PTPRO: variants seen among roughly 807,000 people sequenced by gnomAD.
The protein encoded by PTPRO is protein tyrosine phosphatase receptor type O.
A neutral mutation model predicts 145.2 loss-of-function variants in PTPRO; 62 were observed. The observed-to-expected ratio is 0.43, with a 90% CI of 0.35 to 0.53. The LOEUF is 0.53. PTPRO is among the 20% of genes least tolerant of loss of function. The probability of loss-of-function intolerance (pLI) is 0.01; values close to 1 mark genes in which losing one functional copy is unlikely to be tolerated. For synonymous variants in PTPRO, 565 were observed against 514.7 expected (o/e 1.10, Z -1.32); for missense variants, 1,345 against 1,482.7 (o/e 0.91, Z 1.53).
chr12:15,334,154 ATTGTT>A (rs1313844832), intron 1 of PTPRO, among the ~76,000 whole-genome samples: 14 of 152,146 alleles, frequency 9.2e-5, no homozygotes, highest in Non-Finnish European at 1.9e-4. Flanking sequence ...ATGATAAATT[ATTGTT>A]TTTCTTCAAA....
At chr12:15,568,318 T>A (rs1943953900) in intron 18 of PTPRO, among the ~76,000 whole-genome samples, 1 of 152,080 alleles carries the variant, frequency 6.6e-6, no homozygotes, top group Non-Finnish European at 1.5e-5. Flanking sequence ...TAGTCCCAGC[T>A]ACTTGGGAGG....
At chr12:15,557,617 T>C (rs1273466912) in intron 16 of PTPRO, 94 bp downstream of exon 16, 2 of 1,133,844 alleles carry the variant, frequency 1.8e-6, no homozygotes, top group African/African-American at 3.1e-5. Flanking sequence ...TAGTTTTGTC[T>C]GATTATCCTT....
At chr12:15,507,357 G>T (rs1479174462) in intron 6 of PTPRO, among the ~76,000 whole-genome samples, 1 of 151,682 alleles carries the variant, frequency 6.6e-6, no homozygotes, top group African/African-American at 2.4e-5. Context: ...AGGTTGCAGT[G>T]AGCCTAGATA....
intron 1 of PTPRO, among the ~76,000 whole-genome samples, chr12:15,353,031 A>G (rs1005762229): frequency 6.6e-6 from 1 of 152,330 alleles, no homozygotes; most frequent in East Asian, 1.9e-4. Flanking sequence ...TGTTGAAGAA[A>G]TTGCCTTCAG....
At position 15,557,033 on chromosome 12, in the gene PTPRO, T is replaced by G. The variant is rs77365683; in HGVS notation, c.2559-422T>G. ...ACTTCTATTAGCTTCTTTTATTTTGTTTTTTTTTTTTTTCTTTTTCTTTTT... is the reference window on the plus strand; with the variant it reads ...ACTTCTATTAGCTTCTTTTATTTTGGTTTTTTTTTTTTTCTTTTTCTTTTT... On this transcript the variant is annotated intron_variant, in intron 15 of 26. Transcript: ENST00000281171. Among the ~76,000 whole-genome samples, 8 of 79,946 alleles carry G rather than the reference T, an allele frequency of 1.0e-4. No homozygotes were observed. The East Asian group carries it at 1.4e-3, about 14-fold the overall frequency. 52.4% of individuals were successfully genotyped at this position (79,946 alleles called of 152,430 possible). A position where few individuals can be genotyped will look rare whatever the true frequency, so the allele number is the denominator to read the frequency against.
intron 1 of PTPRO, among the ~76,000 whole-genome samples, chr12:15,447,082 C>G (rs1940920580): frequency 6.6e-6 from 1 of 152,152 alleles, no homozygotes; most frequent in African/African-American, 2.4e-5. Flanking sequence ...TATGAATCAT[C>G]TAGCCCTCCG....
At chr12:15,515,130 G>A (rs1420279858) in intron 7 of PTPRO, among the ~76,000 whole-genome samples, 1 of 152,044 alleles carries the variant, frequency 6.6e-6, no homozygotes, top group South Asian at 2.1e-4. Flanking sequence ...AGACATTTCC[G>A]TACTGACCTT....
intron 1 of PTPRO, among the ~76,000 whole-genome samples, chr12:15,327,756 G>A (rs1167452774): frequency 6.6e-6 from 1 of 152,116 alleles, no homozygotes; most frequent in Non-Finnish European, 1.5e-5. Context: ...GAGTGTGAAT[G>A]GATTGGGATG....
At chr12:15,521,495 C>T (rs1436768860) in intron 10 of PTPRO, among the ~76,000 whole-genome samples, 2 of 152,104 alleles carry the variant, frequency 1.3e-5, no homozygotes, top group African/African-American at 2.4e-5. Flanking sequence ...TATAATTTAA[C>T]TATATTGATG....
intron 4 of PTPRO, 132 bp downstream of exon 4, chr12:15,499,726 A>G (rs762305440): frequency 2.8e-6 from 3 of 1,065,372 alleles, no homozygotes; most frequent in East Asian, 2.7e-5. Flanking sequence ...ATAACCTAAA[A>G]CAGATTTTCT....
intron 4 of PTPRO, 108 bp downstream of exon 4, chr12:15,499,702 A>T (rs1457523911): frequency 2.4e-6 from 3 of 1,235,582 alleles, no homozygotes; most frequent in African/African-American, 3.0e-5. Flanking sequence ...AAAGAAAGAA[A>T]ATATATATGT....
At chr12:15,357,247 C>A (rs1402665211) in intron 1 of PTPRO, among the ~76,000 whole-genome samples, 1 of 152,222 alleles carries the variant, frequency 6.6e-6, no homozygotes, top group Non-Finnish European at 1.5e-5. Flanking sequence ...CTGCTACTGT[C>A]ATTTCCCAGC....
chr12:15,488,464 C>T (rs924799594), intron 2 of PTPRO, among the ~76,000 whole-genome samples: 1 of 152,154 alleles, frequency 6.6e-6, no homozygotes, highest in African/African-American at 2.4e-5. Context: ...CTGAAACTAA[C>T]ATTATCTGTC....
At position 15,462,405 on chromosome 12, in the gene PTPRO, T is replaced by G. The variant is rs188290196; in HGVS notation, c.76-21569T>G. 2.4e-3 allele frequency among the ~76,000 whole-genome samples: 364 copies of G among 152,294 alleles called. 3 individuals are homozygous for G. The highest frequency in any genetic ancestry group is 3.7e-3 in the Non-Finnish European group (254 of 68,014). On this transcript the variant is annotated intron_variant, in intron 1 of 26. Coordinates refer to ENST00000281171, the MANE Select transcript of PTPRO (RefSeq NM_030667.3). Reference sequence around the variant, plus strand: ...CCTCCCAAAGTGCTGGGATTGTAGGTGTGAGCCACCACACCTGCCCTTGCT... The same window carrying G: ...CCTCCCAAAGTGCTGGGATTGTAGGGGTGAGCCACCACACCTGCCCTTGCT...
chr12:15,532,550 C>T (rs1269756001), intron 12 of PTPRO, among the ~76,000 whole-genome samples: 2 of 152,094 alleles, frequency 1.3e-5, no homozygotes, highest in Non-Finnish European at 1.5e-5. Context: ...TAAAAACATT[C>T]CTCCAAACTT....
intron 1 of PTPRO, among the ~76,000 whole-genome samples, chr12:15,465,915 C>G (rs1021839128): frequency 6.6e-6 from 1 of 151,720 alleles, no homozygotes; most frequent in African/African-American, 2.4e-5. Flanking sequence ...TTTTTTTTCC[C>G]CCAAGTTTTA....
intron 1 of PTPRO, among the ~76,000 whole-genome samples, chr12:15,383,853 T>C (rs1938939667): frequency 6.6e-6 from 1 of 152,126 alleles, no homozygotes; most frequent in Non-Finnish European, 1.5e-5. Flanking sequence ...AAAGAGATGC[T>C]CTATAGAATG....
intron 24 of PTPRO, among the ~76,000 whole-genome samples, chr12:15,587,716 A>T (rs1042596286): frequency 6.6e-6 from 1 of 152,256 alleles, no homozygotes; most frequent in Non-Finnish European, 1.5e-5. Context: ...GAGCTCCATC[A>T]AAATCTATCT....
chr12:15,491,711 G>A (rs528461679), intron 2 of PTPRO, among the ~76,000 whole-genome samples: 258 of 152,230 alleles, frequency 1.7e-3, no homozygotes, highest in African/African-American at 6.0e-3. Flanking sequence ...AAAAAGAAAA[G>A]CAGAAGCACA....
Sources: allele counts gnomAD v4.1 joint callset (sites outside exome capture counted in the v4.1 genomes callset), GRCh38; gene constraint gnomAD v4.1.1; transcripts MANE v1.5; gene names NCBI Gene and HGNC (gene_info 2026-07-23, HGNC 2026-07-21).